CCDC141: variants seen among roughly 807,000 people sequenced by gnomAD.
The protein encoded by CCDC141 is coiled-coil domain containing 141, also known as coiled-coil domain-containing protein 141.
A neutral mutation model predicts 181.0 loss-of-function variants in CCDC141; 168 were observed. That is an observed-to-expected ratio of 0.93 (90% confidence interval 0.82 to 1.05). The LOEUF is 1.05. CCDC141 is among the 50% of genes least tolerant of loss of function. The pLI is 0.00. For missense variants in CCDC141, 1,902 were observed against 1,788.5 expected, an observed-to-expected ratio of 1.06 and a Z score of -1.14; for synonymous variants, 666 against 642.3, an observed-to-expected ratio of 1.04 and a Z score of -0.56.
intron 7 of CCDC141, among the ~76,000 whole-genome samples, chr2:178,914,854 T>A (rs1688372286): frequency 3.9e-5 from 6 of 151,992 alleles, no homozygotes. Context: ...AATAATAATA[T>A]CCCTATCTAG....
At chr2:179,047,190 C>T in intron 2 of CCDC141, 94 bp downstream of exon 2, 2 of 1,175,472 alleles carry the variant, frequency 1.7e-6, no homozygotes, top group Non-Finnish European at 2.3e-6. Flanking sequence ...TTAAAGTGGC[C>T]CTAGGCCAGT....
At chr2:178,947,536 G>A (rs564831642) in intron 5 of CCDC141, among the ~76,000 whole-genome samples, 34 of 152,252 alleles carry the variant, frequency 2.2e-4, no homozygotes, top group Admixed American at 6.5e-4. Context: ...AATTTGATAG[G>A]GCATTCTAGG....
intron 2 of CCDC141, among the ~76,000 whole-genome samples, chr2:179,013,332 G>A (rs138646809): frequency 2.2e-3 from 331 of 152,034 alleles, no homozygotes; most frequent in African/African-American, 7.4e-3. Flanking sequence ...GCAACCAAGC[G>A]GAGAATCAAA....
At chr2:178,836,757 G>T in intron 23 of CCDC141, 137 bp downstream of exon 23, 1 of 910,204 alleles carries the variant, frequency 1.1e-6, no homozygotes, top group Non-Finnish European at 1.7e-6. Flanking sequence ...TCTGATGTGA[G>T]ATTGAATCAT....
chr2:178,956,748 A>G lies in CCDC141; in HGVS notation c.780+4482T>C, dbSNP rs1690176695. Among the ~76,000 whole-genome samples the G allele has an allele frequency of 2.6e-5, 4 of 152,194 alleles. No homozygotes were observed. In the South Asian group the frequency reaches 8.3e-4, roughly 32 times the overall value. ...TCTAAATGACAGCCTCATTCCCTTG[A>G]CCATGAATGTGCATTCTTAAAGCCT... On this transcript the variant is annotated intron_variant, in intron 5 of 23. Transcript: ENST00000443758.
At chr2:179,023,391 C>A (rs1221237029) in intron 2 of CCDC141, among the ~76,000 whole-genome samples, 1 of 152,098 alleles carries the variant, frequency 6.6e-6, no homozygotes. Context: ...CACATCCAGG[C>A]AGGCAGAGCA....
chr2:178,913,341 G>C (rs1213941565), intron 7 of CCDC141, among the ~76,000 whole-genome samples: 1 of 152,120 alleles, frequency 6.6e-6, no homozygotes, highest in Non-Finnish European at 1.5e-5. Flanking sequence ...CCTATTACTT[G>C]AATTCATTTA....
chr2:178,955,319 G>A (rs1007175349), intron 5 of CCDC141, among the ~76,000 whole-genome samples: 2 of 151,670 alleles, frequency 1.3e-5, no homozygotes, highest in African/African-American at 4.8e-5. Context: ...ATAATAAACA[G>A]AAGTTCAGAA....
intron 2 of CCDC141, among the ~76,000 whole-genome samples, chr2:179,025,137 G>C (rs970028978): frequency 2.6e-5 from 4 of 151,756 alleles, no homozygotes; most frequent in Non-Finnish European, 4.4e-5. Context: ...TTTAAGATCA[G>C]GGATACATGT....
chr2:179,034,517 C>T (rs967810769), intron 2 of CCDC141, among the ~76,000 whole-genome samples: 7 of 152,182 alleles, frequency 4.6e-5, no homozygotes, highest in African/African-American at 1.4e-4. Flanking sequence ...AATGTGAAAA[C>T]ATGGTCAATA....
intron 2 of CCDC141, among the ~76,000 whole-genome samples, chr2:179,030,258 C>T (rs11688881): frequency 6.6e-6 from 1 of 151,764 alleles, no homozygotes; most frequent in Non-Finnish European, 1.5e-5. Flanking sequence ...TAACAGAAAG[C>T]AAATTCTTGC....
the CCDC141 span, among the ~76,000 whole-genome samples, chr2:178,822,593 TA>T: frequency 6.6e-6 from 1 of 152,198 alleles, no homozygotes; most frequent in Non-Finnish European, 1.5e-5. Context: ...AGTGTTCCAC[TA>T]TTTTAATGAG....
chr2:178,939,223 C>G (rs1198288744), intron 6 of CCDC141, among the ~76,000 whole-genome samples: 2 of 152,188 alleles, frequency 1.3e-5, no homozygotes, highest in Non-Finnish European at 2.9e-5. Context: ...TGTCCCCATA[C>G]TGAAATTCTC....
In CCDC141 at chr2:178,834,058, G is replaced by T. The variant is rs1684369230; in HGVS notation, c.*115C>A. 9.5e-7 allele frequency: 1 copy of T among 1,053,532 alleles called. No individual in the cohort carries two copies. The highest frequency in any genetic ancestry group is 1.4e-6 in the Non-Finnish European group (1 of 734,330). 65.3% of individuals were successfully genotyped at this position (1,053,532 alleles called of 1,614,324 possible). ...GTGGTATTAGCCAAACAAGTATGGT[G>T]ATCAGACTGGAGATACACTTGGTGG... On this transcript the variant is annotated 3_prime_UTR_variant, in exon 24 of 24. Transcript: ENST00000443758.
intron 5 of CCDC141, among the ~76,000 whole-genome samples, chr2:178,953,988 T>G (rs1690059195): frequency 6.6e-6 from 1 of 152,324 alleles, no homozygotes; most frequent in East Asian, 1.9e-4. Flanking sequence ...CACATTTCAC[T>G]CAAATTATAA....
chr2:178,856,177 G>A lies in CCDC141; in HGVS notation c.2865+80C>T, dbSNP rs1172188732. The A allele has an allele frequency of 6.1e-6, 8 of 1,301,364 alleles. No individual in the cohort carries two copies. The Admixed American group carries it at 1.8e-4, about 29-fold the overall frequency. The allele number at this position is 1,301,364 out of a possible 1,614,324, so 80.6% of individuals were successfully genotyped here. On this transcript the variant is annotated intron_variant, in intron 18 of 23. Transcript: ENST00000443758. ...AAGCCAGAGTTAGGTATCTAGATTT[G>A]AAATTCAAAACAATTTTGCAATAAT...
intron 17 of CCDC141, among the ~76,000 whole-genome samples, chr2:178,859,854 GAA>G (rs1363790987): frequency 6.6e-6 from 1 of 152,198 alleles, no homozygotes; most frequent in Admixed American, 6.5e-5. Context: ...AAGCAGAAGG[GAA>G]AGAGGCTGAT....
intron 8 of CCDC141, among the ~76,000 whole-genome samples, chr2:178,898,206 T>C (rs1273695736): frequency 4.6e-5 from 7 of 152,142 alleles, no homozygotes; most frequent in Admixed American, 1.3e-4. Flanking sequence ...ATAGATTAGT[T>C]CCCACTACAG....
At chr2:179,046,307 C>G (rs1420088668) in intron 2 of CCDC141, among the ~76,000 whole-genome samples, 1 of 152,226 alleles carries the variant, frequency 6.6e-6, no homozygotes, top group African/African-American at 2.4e-5. Flanking sequence ...GTACCTGTTC[C>G]TGTGTTGAAA....
Sources: allele counts gnomAD v4.1 joint callset (sites outside exome capture counted in the v4.1 genomes callset), GRCh38; gene constraint gnomAD v4.1.1; transcripts MANE v1.5; gene names NCBI Gene and HGNC (gene_info 2026-07-23, HGNC 2026-07-21).